The following PLEKHA7 variants were observed in gnomAD, a reference collection of about 807,000 sequenced individuals.
PLEKHA7 encodes pleckstrin homology domain containing A7, also known as pleckstrin homology domain-containing family A member 7.
In PLEKHA7, 104 loss-of-function variants were observed where a neutral mutation model predicts 170.0. The ratio of observed to expected loss-of-function variants is 0.61; its 90% CI spans 0.52 to 0.72. The LOEUF is 0.72. Ranked by LOEUF, PLEKHA7 falls within the 30% of genes least tolerant of loss-of-function variation. The pLI is 0.00. For missense variants in PLEKHA7, 1,615 were observed against 1,671.7 expected (o/e 0.97, Z 0.59); for synonymous variants, 648 against 660.8 (o/e 0.98, Z 0.30).
chr11:16,851,495 G>A (rs913999416), intron 7 of PLEKHA7, among the ~76,000 whole-genome samples: 11 of 152,010 alleles, frequency 7.2e-5, no homozygotes, highest in African/African-American at 2.4e-4. Context: ...TGTTGCCCAA[G>A]CTGGAGTCAA....
At chr11:16,944,280 G>A (rs1007032709) in intron 3 of PLEKHA7, among the ~76,000 whole-genome samples, 10 of 151,936 alleles carry the variant, frequency 6.6e-5, no homozygotes, top group East Asian at 3.9e-4. Flanking sequence ...CTTGAACCCA[G>A]GAGGCGGAGG....
At chr11:16,875,905 A>G (rs958803323) in intron 3 of PLEKHA7, among the ~76,000 whole-genome samples, 8 of 152,166 alleles carry the variant, frequency 5.3e-5, no homozygotes, top group East Asian at 1.9e-4. Flanking sequence ...CCAGGCTCCA[A>G]ATGAAGAAAG....
At chr11:16,883,058 T>G (rs1855828379) in intron 3 of PLEKHA7, among the ~76,000 whole-genome samples, 1 of 152,292 alleles carries the variant, frequency 6.6e-6, no homozygotes, top group Non-Finnish European at 1.5e-5. Context: ...AACAAGCAAG[T>G]GGCAAGGTCA....
At chr11:16,951,458 G>T (rs1861401996) in intron 3 of PLEKHA7, among the ~76,000 whole-genome samples, 1 of 152,146 alleles carries the variant, frequency 6.6e-6, no homozygotes, top group African/African-American at 2.4e-5. Flanking sequence ...TACCTGGATT[G>T]TCTCACTGAA....
At chr11:16,812,205 A>G (rs1638629134) in intron 13 of PLEKHA7, among the ~76,000 whole-genome samples, 1 of 152,242 alleles carries the variant, frequency 6.6e-6, no homozygotes, top group Admixed American at 6.5e-5. Context: ...TCTAATCAAA[A>G]GCCCTGATCT....
intron 3 of PLEKHA7, among the ~76,000 whole-genome samples, chr11:16,911,870 C>A (rs1236197029): frequency 6.6e-6 from 1 of 152,016 alleles, no homozygotes; most frequent in Non-Finnish European, 1.5e-5. Flanking sequence ...TATCTTTAAC[C>A]TAAACCAAAG....
intron 3 of PLEKHA7, among the ~76,000 whole-genome samples, chr11:16,910,957 T>C (rs1251602632): frequency 6.6e-6 from 1 of 152,226 alleles, no homozygotes; most frequent in African/African-American, 2.4e-5. Context: ...CTCTGTCACA[T>C]TTCCCGACTG....
At chr11:16,916,442 C>A (rs1157851852) in intron 3 of PLEKHA7, among the ~76,000 whole-genome samples, 1 of 152,214 alleles carries the variant, frequency 6.6e-6, no homozygotes. Context: ...CCACTACTTA[C>A]AAGCTGTGTG....
At chr11:16,823,047 T>C (rs1590229261) in intron 10 of PLEKHA7, among the ~76,000 whole-genome samples, 2 of 152,098 alleles carry the variant, frequency 1.3e-5, no homozygotes, top group African/African-American at 4.8e-5. Context: ...CAGGCTGGAG[T>C]GCAGTGGTAC....
chr11:16,788,892 C>T (rs1000783312), intron 23 of PLEKHA7: 3 of 652,218 alleles, frequency 4.6e-6, no homozygotes, highest in Middle Eastern at 4.3e-4. Flanking sequence ...TTGATCCTCA[C>T]TCCAGCTCTG....
At chr11:16,815,761 C>T (rs551558869) in intron 12 of PLEKHA7, among the ~76,000 whole-genome samples, 12 of 152,246 alleles carry the variant, frequency 7.9e-5, no homozygotes, top group African/African-American at 2.4e-4. Flanking sequence ...AATGATCCAC[C>T]CACCTCGGCC....
chr11:16,824,802 T>TTTTTTCAAATAAAATTCAA (rs1850509119), intron 10 of PLEKHA7, among the ~76,000 whole-genome samples: 5 of 152,168 alleles, frequency 3.3e-5, no homozygotes, highest in Non-Finnish European at 7.3e-5. Flanking sequence ...TACTTTGGAG[T>TTTTTTCAAATAAAATTCAA]ATGAGGACCT....
intron 17 of PLEKHA7, 145 bp downstream of exon 17, chr11:16,800,829 C>T (rs1848545128): frequency 1.5e-6 from 1 of 686,730 alleles, no homozygotes; most frequent in Non-Finnish European, 2.5e-6. Flanking sequence ...GGGGTGGCTC[C>T]TTTACAGGGG....
chr11:16,955,856 G>T (rs1290667671), intron 3 of PLEKHA7, among the ~76,000 whole-genome samples: 1 of 152,116 alleles, frequency 6.6e-6, no homozygotes, highest in Non-Finnish European at 1.5e-5. Flanking sequence ...TAGAGACCTG[G>T]TTATCTAGAA....
chr11:16,987,175 C>G (rs561096414), intron 3 of PLEKHA7, among the ~76,000 whole-genome samples: 2 of 152,282 alleles, frequency 1.3e-5, no homozygotes, highest in Non-Finnish European at 2.9e-5. Flanking sequence ...GCCCACTGTT[C>G]ACAGGGGCAA....
intron 9 of PLEKHA7, among the ~76,000 whole-genome samples, chr11:16,828,432 G>A (rs1813927233): frequency 6.6e-6 from 1 of 152,154 alleles, no homozygotes; most frequent in African/African-American, 2.4e-5. Flanking sequence ...GGAACTGTGA[G>A]TCAATTAAAC....
intron 3 of PLEKHA7, among the ~76,000 whole-genome samples, chr11:16,905,585 G>C (rs1374397235): frequency 6.6e-6 from 1 of 152,166 alleles, no homozygotes; most frequent in Admixed American, 6.5e-5. Context: ...TGGAGCCACA[G>C]AACCTCAGCC....
At chr11:16,832,581 C>T (rs1012628910) in intron 9 of PLEKHA7, among the ~76,000 whole-genome samples, 8 of 152,172 alleles carry the variant, frequency 5.3e-5, no homozygotes, top group Non-Finnish European at 1.2e-4. Flanking sequence ...AATATTTCCT[C>T]CTATCTTAAT....
At chr11:16,999,571 C>G (rs1319559006) in intron 3 of PLEKHA7, among the ~76,000 whole-genome samples, 1 of 152,032 alleles carries the variant, frequency 6.6e-6, no homozygotes, top group Non-Finnish European at 1.5e-5. Flanking sequence ...TCCTGGGTAA[C>G]GGGGTGTACA....
Sources: allele counts gnomAD v4.1 joint callset (sites outside exome capture counted in the v4.1 genomes callset), GRCh38; gene constraint gnomAD v4.1.1; transcripts MANE v1.5; gene names NCBI Gene and HGNC (gene_info 2026-07-23, HGNC 2026-07-21).